The following NCKAP5 variants were observed in gnomAD, a reference collection of about 807,000 sequenced individuals.
The protein encoded by NCKAP5 is nck-associated protein 5.
A neutral mutation model predicts 167.0 loss-of-function variants in NCKAP5; 92 were observed. The ratio of observed to expected loss-of-function variants is 0.55; its 90% CI spans 0.47 to 0.66. The LOEUF (loss-of-function observed/expected upper bound fraction) is 0.66, where lower values mean the gene tolerates loss of function less well. Among genes scored for constraint, NCKAP5 ranks in the 30% least tolerant of loss-of-function variants. NCKAP5 has a pLI of 0.00. For missense variants in NCKAP5, 2,378 were observed against 2,315.0 expected (o/e 1.03, Z -0.56); for synonymous variants, 891 against 877.4 (o/e 1.02, Z -0.27).
the NCKAP5 span, among the ~76,000 whole-genome samples, chr2:133,614,746 C>T: frequency 2.0e-5 from 3 of 152,018 alleles, no homozygotes; most frequent in Non-Finnish European, 2.9e-5. Flanking sequence ...TCCAGGAGAA[C>T]TTCCCCAATC....
intron 8 of NCKAP5, chr2:132,954,638 G>A (rs772288282): frequency 5.7e-5 from 26 of 454,680 alleles, no homozygotes; most frequent in Middle Eastern, 6.6e-4. Context: ...ATTGAATAAT[G>A]TGGAGAAACA....
chr2:133,165,696 T>C (rs16857829), intron 5 of NCKAP5, among the ~76,000 whole-genome samples: 1 of 152,066 alleles, frequency 6.6e-6, no homozygotes, highest in African/African-American at 2.4e-5. Flanking sequence ...TCCTGTGTTA[T>C]GAGCATGCAA....
intron 6 of NCKAP5, among the ~76,000 whole-genome samples, chr2:133,061,693 T>C (rs1311474297): frequency 6.6e-6 from 1 of 152,150 alleles, no homozygotes; most frequent in Non-Finnish European, 1.5e-5. Context: ...TTTCGATTTG[T>C]TGGGGAAAAT....
At position 132,672,483 on chromosome 2, in the gene NCKAP5, T is replaced by G. The variant is rs190790943; in HGVS notation, c.*806A>C. On this transcript the variant is annotated 3_prime_UTR_variant, in exon 20 of 20. Transcript: ENST00000409261. The stretch of plus-strand genomic sequence containing the variant: ...CTGAAATTACACTAAAATGAACATT[T>G]CCATCAAATTGAGATTTGTGAGATG... 6.1e-4 allele frequency: 93 copies of G among 152,336 alleles called. 1 individual carries two copies. Among genetic ancestry groups the G allele is most frequent in the Admixed American group, 5.7e-3 (87 of 15,292 alleles). The allele number at this position is 152,336 out of a possible 1,614,324, so 9.4% of individuals were successfully genotyped here.
intron 19 of NCKAP5, among the ~76,000 whole-genome samples, chr2:132,704,340 G>A (rs1003098909): frequency 7.2e-5 from 11 of 152,006 alleles, no homozygotes; most frequent in African/African-American, 2.7e-4. Context: ...TATAAACATC[G>A]ATTGAACTCC....
chr2:132,766,164 C>T (rs1681460581), intron 16 of NCKAP5, among the ~76,000 whole-genome samples: 1 of 151,078 alleles, frequency 6.6e-6, no homozygotes. Flanking sequence ...TCTGCAATCC[C>T]AGCTACTCGG....
At chr2:132,735,559 C>T (rs1023699675) in intron 16 of NCKAP5, among the ~76,000 whole-genome samples, 2 of 152,160 alleles carry the variant, frequency 1.3e-5, no homozygotes, top group Middle Eastern at 3.2e-3. Flanking sequence ...TTATAAATTA[C>T]CTAGCGTCAG....
chr2:132,916,282 A>C (rs1323815282), intron 8 of NCKAP5, among the ~76,000 whole-genome samples: 1 of 152,062 alleles, frequency 6.6e-6, no homozygotes. Flanking sequence ...AGAATTTATG[A>C]TCGAATGTGA....
At chr2:132,714,812 C>CAAAA (rs11329925) in intron 19 of NCKAP5, 7 of 374,534 alleles carry the variant, frequency 1.9e-5, no homozygotes, top group African/African-American at 5.0e-5. Context: ...GAATCCATCT[C>CAAAA]AAAAAAAAAA....
intron 3 of NCKAP5, among the ~76,000 whole-genome samples, chr2:133,371,204 T>G (rs957200365): frequency 5.9e-5 from 9 of 152,184 alleles, no homozygotes; most frequent in African/African-American, 1.7e-4. Context: ...CAACAAATTT[T>G]TGTGCAATAA....
intron 10 of NCKAP5, among the ~76,000 whole-genome samples, chr2:132,867,599 C>CT (rs1400265092): frequency 6.6e-6 from 1 of 152,088 alleles, no homozygotes; most frequent in Non-Finnish European, 1.5e-5. Flanking sequence ...TATTCCTCAG[C>CT]TTTTATTCCC....
intron 3 of NCKAP5, among the ~76,000 whole-genome samples, chr2:133,479,932 CTTTTT>C (rs11368084): frequency 7.5e-6 from 1 of 133,590 alleles, no homozygotes. Flanking sequence ...TTTCTTTTTC[CTTTTT>C]TTTTTTTTTT....
At chr2:133,326,177 C>CGG (rs1024731844) in intron 3 of NCKAP5, among the ~76,000 whole-genome samples, 15 of 152,078 alleles carry the variant, frequency 9.9e-5, no homozygotes. Flanking sequence ...ACTATAAGGC[C>CGG]GGGCACAGTG....
At chr2:132,756,575 C>G (rs190804518) in intron 16 of NCKAP5, among the ~76,000 whole-genome samples, 8 of 152,112 alleles carry the variant, frequency 5.3e-5, no homozygotes, top group Admixed American at 5.2e-4. Context: ...AAAAACCTGA[C>G]TCAATTAAAA....
chr2:133,261,309 C>A (rs2088895406), intron 4 of NCKAP5, among the ~76,000 whole-genome samples: 1 of 152,162 alleles, frequency 6.6e-6, no homozygotes, highest in Admixed American at 6.5e-5. Context: ...GTAGGCTTAT[C>A]TCATAGGATA....
At chr2:132,809,515 T>G (rs1451900299) in intron 11 of NCKAP5, among the ~76,000 whole-genome samples, 1 of 118,568 alleles carries the variant, frequency 8.4e-6, no homozygotes, top group Non-Finnish European at 1.6e-5. Flanking sequence ...TACCATTATA[T>G]AATGTCTCTC....
chr2:132,881,257 C>T (rs1339254159), intron 8 of NCKAP5, among the ~76,000 whole-genome samples: 1 of 152,106 alleles, frequency 6.6e-6, no homozygotes, highest in Non-Finnish European at 1.5e-5. Flanking sequence ...TTACTGTGAC[C>T]TCCACCTCTC....
chr2:133,365,266 C>T (rs1685379633), intron 3 of NCKAP5, among the ~76,000 whole-genome samples: 1 of 152,174 alleles, frequency 6.6e-6, no homozygotes, highest in Admixed American at 6.5e-5. Flanking sequence ...AGGCTGAGGG[C>T]ATCTGGAGTT....
intron 19 of NCKAP5, among the ~76,000 whole-genome samples, chr2:132,678,119 G>A (rs181052935): frequency 1.4e-4 from 21 of 152,086 alleles, no homozygotes; most frequent in Admixed American, 3.9e-4. Context: ...ATGAAGAGGT[G>A]GAAAATATGT....
Sources: allele counts gnomAD v4.1 joint callset (sites outside exome capture counted in the v4.1 genomes callset), GRCh38; gene constraint gnomAD v4.1.1; transcripts MANE v1.5; gene names NCBI Gene and HGNC (gene_info 2026-07-23, HGNC 2026-07-21).